Variants in PLXNA4 observed in about 807,000 individuals in gnomAD.
PLXNA4 encodes plexin A4.
Under a neutral mutation model 191.8 loss-of-function variants are expected in PLXNA4, and 44 were observed. The observed-to-expected ratio is 0.23, with a 90% CI of 0.18 to 0.29. The LOEUF is 0.29. Among genes scored for constraint, PLXNA4 ranks in the 10% least tolerant of loss-of-function variants. The pLI is 1.00. For missense variants in PLXNA4, 1,800 were observed against 2,488.8 expected, an observed-to-expected ratio of 0.72 and a Z score of 5.89; for synonymous variants, 1,082 against 1,009.5, an observed-to-expected ratio of 1.07 and a Z score of -1.36.
rs138439225 is a variant in PLXNA4 at position 132,567,993 on chromosome 7, G to A, written c.-87+8429C>T. Among the ~76,000 whole-genome samples, 346 of 152,246 alleles carry A rather than the reference G, an allele frequency of 2.3e-3. 1 individual carries two copies. The highest frequency in any genetic ancestry group is 6.8e-3 in the Middle Eastern group (2 of 294). On this transcript the variant is annotated intron_variant, in intron 1 of 31. Coordinates refer to ENST00000321063, the MANE Select transcript of PLXNA4 (RefSeq NM_020911.2). ...AGGAAGATAGGGTCAGTATCTAATG[G>A]ACAAGAGAGCAGGGAAAGAGGTCAC... is the stretch of plus-strand genomic sequence containing the variant.
At chr7:132,503,207 A>C (rs1798326605) in intron 2 of PLXNA4, among the ~76,000 whole-genome samples, 3 of 152,104 alleles carry the variant, frequency 2.0e-5, no homozygotes, top group Admixed American at 6.5e-5. Flanking sequence ...GCTGGTGTGC[A>C]TCTCTCTCCT....
chr7:132,189,010 G>GGAAA (rs1562908987), intron 14 of PLXNA4, among the ~76,000 whole-genome samples: 2 of 69,046 alleles, frequency 2.9e-5, no homozygotes, highest in Non-Finnish European at 6.7e-5. Flanking sequence ...GAGAGAGAGA[G>GGAAA]AGAGAGAGAG....
rs558796523 is a variant in PLXNA4 at position 132,329,579 on chromosome 7, T to C, written c.1372-31357A>G. 3.9e-5 allele frequency among the ~76,000 whole-genome samples: 6 copies of C among 152,306 alleles called. No individual in the cohort carries two copies. In the East Asian group the frequency reaches 1.2e-3, roughly 29 times the overall value. ...GCACTGCCTGAGAGCTGGCAGCCAA[T>C]TCCAGCTGCTTTTCCTCATCTGCAT... On this transcript the variant is annotated intron_variant, in intron 3 of 31. Transcript: ENST00000321063.
chr7:132,536,856 G>A (rs1799859009), intron 1 of PLXNA4, among the ~76,000 whole-genome samples: 1 of 152,252 alleles, frequency 6.6e-6, no homozygotes, highest in Non-Finnish European at 1.5e-5. Context: ...GAAAGAGACA[G>A]TCATGAGGAA....
chr7:132,279,098 G>A (rs1429348123), intron 4 of PLXNA4, among the ~76,000 whole-genome samples: 1 of 152,188 alleles, frequency 6.6e-6, no homozygotes, highest in East Asian at 1.9e-4. Context: ...GAAGACATAT[G>A]CACAAAGTTA....
intron 4 of PLXNA4, among the ~76,000 whole-genome samples, chr7:132,261,859 C>T (rs1799657624): frequency 6.6e-6 from 1 of 152,196 alleles, no homozygotes; most frequent in African/African-American, 2.4e-5. Context: ...ACCTACACAA[C>T]AGTATACTGT....
chr7:132,361,151 G>C (rs1172879928), intron 3 of PLXNA4, among the ~76,000 whole-genome samples: 1 of 152,266 alleles, frequency 6.6e-6, no homozygotes, highest in Middle Eastern at 3.4e-3. Flanking sequence ...AACTCATGGG[G>C]TACTTTCCAG....
chr7:132,226,829 G>A (rs540808164), intron 7 of PLXNA4, among the ~76,000 whole-genome samples: 3 of 152,184 alleles, frequency 2.0e-5, no homozygotes, highest in Non-Finnish European at 4.4e-5. Flanking sequence ...CCCACTTCAA[G>A]CCTTGTTCTT....
At chr7:132,381,593 AAC>A (rs2116943148) in intron 3 of PLXNA4, among the ~76,000 whole-genome samples, 1 of 152,358 alleles carries the variant, frequency 6.6e-6, no homozygotes, top group Non-Finnish European at 1.5e-5. Flanking sequence ...AGTTGCAAGG[AAC>A]ACAGTCTGGA....
intron 3 of PLXNA4, among the ~76,000 whole-genome samples, chr7:132,371,814 C>T (rs1207195724): frequency 6.6e-6 from 1 of 152,170 alleles, no homozygotes; most frequent in African/African-American, 2.4e-5. Flanking sequence ...TACACACACT[C>T]ACACACACAG....
At chr7:132,405,301 A>G (rs1260369646) in intron 3 of PLXNA4, among the ~76,000 whole-genome samples, 2 of 152,076 alleles carry the variant, frequency 1.3e-5, no homozygotes, top group Admixed American at 6.5e-5. Context: ...TTCCTTGTAC[A>G]CTGATGAGGC....
intron 4 of PLXNA4, among the ~76,000 whole-genome samples, chr7:132,248,343 A>G (rs1799130935): frequency 6.6e-6 from 1 of 152,208 alleles, no homozygotes; most frequent in Admixed American, 6.5e-5. Context: ...ATTGCTTTGC[A>G]GAGCCATGGG....
chr7:132,578,955 T>C (rs529090038), upstream of PLXNA4, among the ~76,000 whole-genome samples: 6 of 152,310 alleles, frequency 3.9e-5, no homozygotes, highest in Non-Finnish European at 1.5e-5. Flanking sequence ...AATCACTCAA[T>C]GCTACTGCCT....
intron 31 of PLXNA4, among the ~76,000 whole-genome samples, chr7:132,132,469 TCTGCTCTGCTCTGC>T (rs1563048376): frequency 0.029 from 1,213 of 41,292 alleles, 55 homozygotes; most frequent in Middle Eastern, 0.048. Flanking sequence ...TCTGTTCTGC[TCTGCTCTGCTCTGC>T]TCTGCTCTAT....
chr7:132,633,282 ATTTTTTTTTT>A (rs10706159), intron 2 of PLXNA4, among the ~76,000 whole-genome samples: 1 of 134,326 alleles, frequency 7.4e-6, no homozygotes, highest in Non-Finnish European at 1.6e-5. Context: ...TGAGGTTCTC[ATTTTTTTTTT>A]TTTTTTTTTA....
At chr7:132,633,776 T>C (rs869321) in intron 2 of PLXNA4, among the ~76,000 whole-genome samples, 84,242 of 151,966 alleles carry the variant, frequency 0.55, 23,738 homozygotes, top group African/African-American at 0.6. Context: ...GAAGTAGCTT[T>C]GCTCCATGTC....
chr7:132,264,923 C>T (rs1799792538), intron 4 of PLXNA4, among the ~76,000 whole-genome samples: 1 of 152,136 alleles, frequency 6.6e-6, no homozygotes. Flanking sequence ...GTCTCAGATT[C>T]CTGACCTCAA....
chr7:132,168,227 C>T, intron 22 of PLXNA4, 77 bp downstream of exon 22: 2 of 1,436,380 alleles, frequency 1.4e-6, no homozygotes, highest in Non-Finnish European at 1.8e-6. Flanking sequence ...AGGAGCTCCA[C>T]CCGAGTCTCC....
intron 3 of PLXNA4, among the ~76,000 whole-genome samples, chr7:132,373,359 G>A (rs577528483): frequency 6.6e-6 from 1 of 152,270 alleles, no homozygotes; most frequent in South Asian, 2.1e-4. Flanking sequence ...GAAAGGAAGA[G>A]GCTTCCAGGT....
Sources: allele counts gnomAD v4.1 joint callset (sites outside exome capture counted in the v4.1 genomes callset), GRCh38; gene constraint gnomAD v4.1.1; transcripts MANE v1.5; gene names NCBI Gene and HGNC (gene_info 2026-07-23, HGNC 2026-07-21).